The following WIF1 variants were observed in gnomAD, a reference collection of about 807,000 sequenced individuals.
The protein encoded by WIF1 is Wnt inhibitory factor 1.
In WIF1, 35 loss-of-function variants were observed where a neutral mutation model predicts 53.5. The ratio of observed to expected loss-of-function variants is 0.65; its 90% CI spans 0.50 to 0.87. WIF1 has a LOEUF of 0.87. Among genes scored for constraint, WIF1 ranks in the 40% least tolerant of loss-of-function variants. WIF1 has a pLI of 0.00. For synonymous variants in WIF1, 171 were observed against 170.4 expected (o/e 1.00, Z -0.03); for missense variants, 467 against 476.8 (o/e 0.98, Z 0.19).
At chr12:65,081,842 C>T (rs182056394) in intron 2 of WIF1, among the ~76,000 whole-genome samples, 68 of 151,462 alleles carry the variant, frequency 4.5e-4, no homozygotes, top group African/African-American at 1.6e-3. Flanking sequence ...TAACTTCACA[C>T]TGGGAAGTTT....
Position 65,066,676 on chromosome 12 carries a change from C to A in WIF1, c.695G>T (p.Cys232Phe). The A allele has an allele frequency of 6.2e-7, 1 of 1,610,520 alleles. No individual in the cohort carries two copies. The change falls in exon 6 of 10, where the codon TGC (cysteine) becomes TTC (phenylalanine). Residue 232 changes from cysteine to phenylalanine, a missense_variant. Coordinates refer to ENST00000286574, the MANE Select transcript of WIF1 (RefSeq NM_007191.5). ...GLCVTPGFCI[C>F]PPGFYGVNCD... is the part of the protein sequence containing the mutation. ...GTTCACTCCATAGAATCCAGGTGGG[C>A]AGATGCAGAAACCAGGAGTCACACA...
At chr12:65,097,414 A>G (rs973781558) in intron 2 of WIF1, among the ~76,000 whole-genome samples, 3 of 152,140 alleles carry the variant, frequency 2.0e-5, no homozygotes, top group Admixed American at 6.6e-5. Context: ...TCTAGCCTCT[A>G]CCGTTCTAGG....
intron 2 of WIF1, among the ~76,000 whole-genome samples, chr12:65,113,452 G>C (rs1414362013): frequency 6.6e-6 from 1 of 152,096 alleles, no homozygotes; most frequent in Non-Finnish European, 1.5e-5. Context: ...TAAATAGGGA[G>C]GGTGCCAGCA....
intron 9 of WIF1, among the ~76,000 whole-genome samples, chr12:65,053,915 C>A (rs1038254053): frequency 6.6e-6 from 1 of 151,532 alleles, no homozygotes; most frequent in East Asian, 1.9e-4. Flanking sequence ...TCTTTTAGCA[C>A]CCCAGTGGAT....
chr12:65,062,513 G>A lies in WIF1; in HGVS notation c.794C>T (p.Pro265Leu). 6.2e-7 allele frequency: 1 copy of A among 1,608,456 alleles called. No homozygotes were observed. Among genetic ancestry groups the A allele is most frequent in the Non-Finnish European group, 8.5e-7 (1 of 1,176,956 alleles). The part of the protein sequence containing the change: ...TCFYPGKCIC[P>L]PGLEGEQCEI... ...ACACTGCTCTCCCTCTAGTCCTGGA[G>A]GGCAAATACATTTTCCAGGGTAGAA... The change falls in exon 7 of 10, where the codon CCT becomes CTT. Residue 265 changes from proline (P) to leucine (L), a missense_variant. Physicochemically the swap from Pro to Leu is moderately conservative, Grantham distance 98. Coordinates refer to ENST00000286574, the MANE Select transcript of WIF1 (RefSeq NM_007191.5).
intron 2 of WIF1, among the ~76,000 whole-genome samples, chr12:65,094,807 C>T (rs542504341): frequency 6.6e-6 from 1 of 152,186 alleles, no homozygotes; most frequent in Admixed American, 6.5e-5. Context: ...ATAACTATTA[C>T]TAACTTCCCT....
At chr12:65,100,530 C>T (rs912074397) in intron 2 of WIF1, among the ~76,000 whole-genome samples, 5 of 152,220 alleles carry the variant, frequency 3.3e-5, no homozygotes, top group East Asian at 1.9e-4. Context: ...GTAGTCATTA[C>T]GAGCCATTCA....
Position 65,067,706 on chromosome 12 carries a change from T to C in WIF1, c.623A>G (p.His208Arg), listed in dbSNP as rs1481111599. The C allele has an allele frequency of 1.2e-6, 2 of 1,613,108 alleles. No individual in the cohort carries two copies. Among genetic ancestry groups the C allele is most frequent in the African/African-American group, 2.7e-5 (2 of 74,892 alleles). The change falls in exon 5 of 10, where the codon CAC becomes CGC. Residue 208 changes from histidine to arginine, a missense_variant. His to Arg is a conservative substitution (Grantham distance 29). Coordinates refer to ENST00000286574, the MANE Select transcript of WIF1 (RefSeq NM_007191.5). ...GCTCCATGTCTTACCTTTCTCACAG[T>C]GAGGTCCGTGGAACCCATCAGGACA... ...CECPDGFHGP[H>R]CEKALCTPRC...
In WIF1 at chr12:65,056,112, G is replaced by T; in HGVS notation, c.841C>A (p.Pro281Thr). 6.2e-7 allele frequency: 1 copy of T among 1,614,002 alleles called. No homozygotes were observed. The highest frequency in any genetic ancestry group is 8.5e-7 in the Non-Finnish European group (1 of 1,179,970). Residue 281 changes from proline to threonine, a missense_variant, in exon 8 of 10, where the codon CCC (proline) becomes ACC (threonine). Physicochemically the swap from Pro to Thr is conservative, Grantham distance 38 (BLOSUM62 -1). Transcript: ENST00000286574. ...ATGCATTTACCTCCATTTCGACAGG[G>T]TTGTGGGCATTTGCCTGAAAAAGAG... is the stretch of plus-strand genomic sequence containing the variant. ...EQCEISKCPQ[P>T]CRNGGKCIGK...
At chr12:65,060,023 T>TA (rs35133919) in intron 7 of WIF1, among the ~76,000 whole-genome samples, 90,852 of 149,342 alleles carry the variant, frequency 0.61, 27,841 homozygotes, top group East Asian at 0.74. Flanking sequence ...ACATTTCATT[T>TA]AAAAAAAAAA....
At chr12:65,068,688 T>C in intron 4 of WIF1, 76 bp downstream of exon 4, 8 of 1,481,786 alleles carry the variant, frequency 5.4e-6, no homozygotes, top group South Asian at 1.3e-5. Context: ...TGTGTGTGTA[T>C]AGATATAAAT....
At chr12:65,099,634 G>T (rs1377446157) in intron 2 of WIF1, among the ~76,000 whole-genome samples, 1 of 152,112 alleles carries the variant, frequency 6.6e-6, no homozygotes, top group African/African-American at 2.4e-5. Context: ...CAGCTCTTTG[G>T]CTGCCTGGGT....
chr12:65,068,721 G>GC (rs1565750901), intron 4 of WIF1, 43 bp downstream of exon 4: 2 of 1,602,864 alleles, frequency 1.2e-6, no homozygotes, highest in Non-Finnish European at 1.7e-6. Flanking sequence ...TCACACCTAA[G>GC]CCCTTACAAC....
chr12:65,111,228 A>T (rs1208861148), intron 2 of WIF1, among the ~76,000 whole-genome samples: 1 of 152,132 alleles, frequency 6.6e-6, no homozygotes. Context: ...TCTCAATCCC[A>T]GATTTCTCTC....
intron 2 of WIF1, 124 bp downstream of exon 2, chr12:65,120,293 T>G: frequency 9.9e-7 from 1 of 1,010,094 alleles, no homozygotes; most frequent in Non-Finnish European, 1.4e-6. Flanking sequence ...TTATTTGCTT[T>G]GGCAATCAGA....
intron 9 of WIF1, among the ~76,000 whole-genome samples, chr12:65,053,178 T>C (rs2136605881): frequency 6.6e-6 from 1 of 152,320 alleles, no homozygotes; most frequent in South Asian, 2.1e-4. Context: ...GGGATACCAT[T>C]CAACCATTCC....
chr12:65,100,827 C>T (rs1488704878), intron 2 of WIF1, among the ~76,000 whole-genome samples: 1 of 151,956 alleles, frequency 6.6e-6, no homozygotes, highest in Non-Finnish European at 1.5e-5. Flanking sequence ...TCAAGACTAG[C>T]CTGGGCAACA....
intron 2 of WIF1, among the ~76,000 whole-genome samples, chr12:65,087,120 A>G (rs1374183834): frequency 6.6e-6 from 1 of 152,236 alleles, no homozygotes; most frequent in African/African-American, 2.4e-5. Flanking sequence ...ACTGCACTTC[A>G]GCCTGGGTGA....
chr12:65,057,928 T>C (rs888894552), intron 7 of WIF1, among the ~76,000 whole-genome samples: 5 of 152,216 alleles, frequency 3.3e-5, no homozygotes, highest in Non-Finnish European at 5.9e-5. Flanking sequence ...ATTTAGTCAT[T>C]GTGGAGACAA....
Sources: gnomAD v4.1 joint callset for allele counts (sites outside exome capture counted in the v4.1 genomes callset) on GRCh38, gnomAD v4.1.1 for gene constraint, MANE v1.5 for transcripts, NCBI Gene and HGNC (gene_info 2026-07-23, HGNC 2026-07-21) for gene names.